CFTR: variants seen among roughly 807,000 people sequenced by gnomAD.
CFTR encodes cystic fibrosis transmembrane conductance regulator.
In CFTR, 181 loss-of-function variants were observed where a neutral mutation model predicts 171.6. The ratio of observed to expected loss-of-function variants is 1.05; its 90% confidence interval spans 0.93 to 1.19. The LOEUF is 1.19. CFTR is among the 50% of genes most tolerant of loss of function. The pLI is 0.00. For missense variants in CFTR, 1,968 were observed against 1,734.7 expected, an observed-to-expected ratio of 1.13 and a Z score of -2.39; for synonymous variants, 583 against 608.0, an observed-to-expected ratio of 0.96 and a Z score of 0.60.
At chr7:117,642,322 C>G in intron 22 of CFTR, 116 bp from the exon 23 acceptor site, 1 of 1,021,242 alleles carries the variant, frequency 9.8e-7, no homozygotes, top group Non-Finnish European at 1.5e-6. Context: ...TGAAAATCTT[C>G]CACTGGTGAC....
At chr7:117,506,708 T>C (rs542977475) in intron 2 of CFTR, among the ~76,000 whole-genome samples, 21 of 152,326 alleles carry the variant, frequency 1.4e-4, no homozygotes, top group Admixed American at 9.2e-4. Flanking sequence ...CAGTTTTCAC[T>C]GTATCCCCCA....
chr7:117,509,699 G>T (rs1005203994), intron 3 of CFTR, among the ~76,000 whole-genome samples: 2 of 152,092 alleles, frequency 1.3e-5, no homozygotes, highest in Non-Finnish European at 2.9e-5. Flanking sequence ...AGTGTGAAAA[G>T]TTGCACACCT....
intron 11 of CFTR, among the ~76,000 whole-genome samples, chr7:117,587,227 A>G (rs1455361599): frequency 1.3e-5 from 2 of 152,174 alleles, no homozygotes; most frequent in Non-Finnish European, 1.5e-5. Flanking sequence ...TGACAGAAGC[A>G]TGGAAAGGAA....
rs370683572 is a variant in CFTR at position 117,603,801 on chromosome 7, G to C, written c.2908+19G>C. ...AAAGCAGGTACTTTACTAGGTCTAA[G>C]AAATGAAACTGCTGATCCACCATCA... On this transcript the variant is annotated intron_variant, in intron 17 of 26. Coordinates refer to ENST00000003084, the MANE Select transcript of CFTR (RefSeq NM_000492.4). The C allele has an allele frequency of 1.9e-5, 30 of 1,612,434 alleles. No homozygotes were observed. The highest frequency in any genetic ancestry group is 2.5e-5 in the Non-Finnish European group (30 of 1,179,756).
chr7:117,637,682 G>A (rs1469460023), intron 22 of CFTR, among the ~76,000 whole-genome samples: 1 of 152,084 alleles, frequency 6.6e-6, no homozygotes, highest in Admixed American at 6.5e-5. Context: ...TTCGAGACCA[G>A]CCTGGCCAAC....
At position 117,614,631 on chromosome 7, in the gene CFTR, T is replaced by G; in HGVS notation, c.3386T>G (p.Val1129Gly). Residue 1129 changes from valine to glycine, a missense_variant, in exon 21 of 27, where the codon GTT becomes GGT. Val to Gly is a moderately radical substitution (Grantham distance 109). Transcript: ENST00000003084. Reference protein sequence around the residue: ...ILTTGEGEGRVGIILTLAMNI... With the variant: ...ILTTGEGEGRGGIILTLAMNI... The stretch of plus-strand genomic sequence containing the variant: ...TCTATAGGAGAAGGAGAAGGAAGAG[T>G]TGGTATTATCCTGACTTTAGCCATG... The G allele has an allele frequency of 6.2e-7, 1 of 1,610,338 alleles. No individual in the cohort carries two copies. The highest frequency in any genetic ancestry group is 8.5e-7 in the Non-Finnish European group (1 of 1,177,010).
At chr7:117,506,067 A>G (rs1043435366) in intron 2 of CFTR, among the ~76,000 whole-genome samples, 1 of 152,144 alleles carries the variant, frequency 6.6e-6, no homozygotes, top group African/African-American at 2.4e-5. Context: ...GGCCTGGCAT[A>G]TGGTATATAC....
In CFTR at chr7:117,587,481, G is replaced by A. The variant is rs1402087138; in HGVS notation, c.1585-258G>A. On this transcript the variant is annotated intron_variant, in intron 11 of 26. Coordinates refer to ENST00000003084, the MANE Select transcript of CFTR (RefSeq NM_000492.4). ...AAATATACACATATTTTAATTTTTG[G>A]TATTTTATAATTATTATTTAATGAT... 3.3e-5 allele frequency among the ~76,000 whole-genome samples: 5 copies of A among 151,894 alleles called. No homozygotes were observed. The East Asian group carries it at 9.6e-4, about 29-fold the overall frequency.
At chr7:117,573,212 TG>T (rs767028037) in intron 11 of CFTR, among the ~76,000 whole-genome samples, 49 of 152,282 alleles carry the variant, frequency 3.2e-4, no homozygotes, top group Non-Finnish European at 5.1e-4. Context: ...CTTAAAAAAA[TG>T]AAATTATAAA....
At position 117,535,230 on chromosome 7, in the gene CFTR, T is replaced by C. The variant is rs776771065; in HGVS notation, c.580-18T>C. On this transcript the variant is annotated intron_variant, in intron 5 of 26. Transcript: ENST00000003084. The stretch of plus-strand genomic sequence containing the variant: ...AAGATACAATGACACCTGTTTTTGC[T>C]GTGCTTTTATTTTCCAGGGACTTGC... 6 of 1,613,920 alleles carry C rather than the reference T, an allele frequency of 3.7e-6. No individual in the cohort carries two copies. Among genetic ancestry groups the C allele is most frequent in the East Asian group, 4.5e-5 (2 of 44,896 alleles).
chr7:117,513,668 T>C (rs747495530), intron 3 of CFTR, among the ~76,000 whole-genome samples: 1 of 152,244 alleles, frequency 6.6e-6, no homozygotes, highest in Non-Finnish European at 1.5e-5. Context: ...AGAGAGCCTG[T>C]GGCTTAGGCA....
In CFTR at chr7:117,505,015, C is replaced by T. The variant is rs977103769; in HGVS notation, c.164+652C>T. On this transcript the variant is annotated intron_variant, in intron 2 of 26. Coordinates refer to ENST00000003084, the MANE Select transcript of CFTR (RefSeq NM_000492.4). Reference sequence around the variant, plus strand: ...TTTATATTTGAATACAAATGTACTCCCTGGGAAGTCTTAAGGTAATGGCTA... The same window carrying T: ...TTTATATTTGAATACAAATGTACTCTCTGGGAAGTCTTAAGGTAATGGCTA... 4.0e-5 allele frequency among the ~76,000 whole-genome samples: 6 copies of T among 151,842 alleles called. No homozygotes were observed. The East Asian group carries it at 9.7e-4, about 24-fold the overall frequency.
intron 11 of CFTR, among the ~76,000 whole-genome samples, chr7:117,576,499 C>T (rs1791772100): frequency 6.6e-6 from 1 of 152,040 alleles, no homozygotes; most frequent in Non-Finnish European, 1.5e-5. Context: ...TTTTGGTATC[C>T]ACAGAGAGTC....
rs892953969 is a variant in CFTR at position 117,559,209 on chromosome 7, A to G, written c.1393-255A>G. On this transcript the variant is annotated intron_variant, in intron 10 of 26. Coordinates refer to ENST00000003084, the MANE Select transcript of CFTR (RefSeq NM_000492.4). ...CAAACCTATTCCAACTATCTGAATC[A>G]TGTGCCCCTTCTCTGTGAACCTCTA... 7.2e-5 allele frequency among the ~76,000 whole-genome samples: 11 copies of G among 152,186 alleles called. No individual in the cohort carries two copies. The East Asian group carries it at 1.9e-3, about 27-fold the overall frequency.
chr7:117,665,011 T>G, intron 25 of CFTR, 151 bp downstream of exon 25: 1 of 862,470 alleles, frequency 1.2e-6, no homozygotes. Flanking sequence ...GAAATGAGCA[T>G]AAATGCATAT....
rs774050249 is a variant in CFTR at position 117,611,701 on chromosome 7, C to T, written c.3260C>T (p.Ala1087Val). The T allele has an allele frequency of 6.2e-7, 1 of 1,613,272 alleles. No homozygotes were observed. Among genetic ancestry groups the T allele is most frequent in the African/African-American group, 1.3e-5 (1 of 74,828 alleles). The change falls in exon 20 of 27, where the codon GCC (alanine) becomes GTC (valine). Residue 1087 changes from alanine to valine, a missense_variant. Physicochemically the swap from Ala to Val is moderately conservative, Grantham distance 64. Coordinates refer to ENST00000003084, the MANE Select transcript of CFTR (RefSeq NM_000492.4). ...CACAAAGCTCTGAATTTACATACTG[C>T]CAACTGGTTCTTGTACCTGTCAACA... ...LFHKALNLHT[A>V]NWFLYLSTLR...
chr7:117,480,867 A>G (rs901442868), intron 1 of CFTR, among the ~76,000 whole-genome samples: 5 of 152,224 alleles, frequency 3.3e-5, no homozygotes, highest in Non-Finnish European at 7.3e-5. Context: ...GAGATTTTTT[A>G]AAATAGCATC....
chr7:117,556,520 T>C (rs1435404422), intron 10 of CFTR, among the ~76,000 whole-genome samples: 10 of 119,514 alleles, frequency 8.4e-5, no homozygotes, highest in South Asian at 3.1e-4. Flanking sequence ...TTCTTTTTTT[T>C]TTTTTTTTTT....
In CFTR at chr7:117,536,636, G is replaced by A. The variant is rs1204903316; in HGVS notation, c.832G>A (p.Glu278Lys). The change falls in exon 7 of 27, where the codon GAA becomes AAA. Residue 278 changes from glutamate to lysine, a missense_variant. By Grantham distance (56) the Glu-to-Lys change is moderately conservative. Transcript: ENST00000003084. ...CCAATCTGTTAAGGCATACTGCTGG[G>A]AAGAAGCAATGGAAAAAATGATTGA... ...NIQSVKAYCWEEAMEKMIENL... is the reference protein window; with the variant it reads ...NIQSVKAYCWKEAMEKMIENL... The A allele has an allele frequency of 6.2e-7, 1 of 1,611,798 alleles. No homozygotes were observed. Among genetic ancestry groups the A allele is most frequent in the African/African-American group, 1.3e-5 (1 of 74,914 alleles).
Sources: gnomAD v4.1 joint callset for allele counts (sites outside exome capture counted in the v4.1 genomes callset) on GRCh38, gnomAD v4.1.1 for gene constraint, MANE v1.5 for transcripts, NCBI Gene and HGNC (gene_info 2026-07-23, HGNC 2026-07-21) for gene names.